SGCZ: variants seen among roughly 807,000 people sequenced by gnomAD.
SGCZ encodes the protein sarcoglycan zeta.
In SGCZ, 40 loss-of-function variants were observed where a neutral mutation model predicts 41.3. That is an observed-to-expected ratio of 0.97 (90% CI 0.75 to 1.26). The LOEUF (loss-of-function observed/expected upper bound fraction) is 1.26. Among genes scored for constraint, SGCZ ranks in the 50% most tolerant of loss-of-function variants. SGCZ has a pLI of 0.00. For synonymous variants in SGCZ, 206 were observed against 137.5 expected (o/e 1.50, Z -3.49); for missense variants, 552 against 369.8 (o/e 1.49, Z -4.04).
At chr8:14,459,468 T>G (rs777511195) in intron 2 of SGCZ, among the ~76,000 whole-genome samples, 4 of 152,070 alleles carry the variant, frequency 2.6e-5, no homozygotes, top group Admixed American at 1.3e-4. Flanking sequence ...CTAATACATA[T>G]AGAAGGCAGA....
intron 1 of SGCZ, among the ~76,000 whole-genome samples, chr8:14,678,158 G>A (rs1284143731): frequency 6.6e-6 from 1 of 152,054 alleles, no homozygotes; most frequent in East Asian, 1.9e-4. Flanking sequence ...CAACAACAAA[G>A]ACATAATCCA....
chr8:14,736,115 G>C (rs1799020999), intron 1 of SGCZ, among the ~76,000 whole-genome samples: 2 of 152,012 alleles, frequency 1.3e-5, no homozygotes, highest in African/African-American at 4.8e-5. Flanking sequence ...GGTGCTTTTG[G>C]TAAATATTTT....
chr8:14,877,030 G>C (rs943402770), intron 1 of SGCZ, among the ~76,000 whole-genome samples: 1 of 152,178 alleles, frequency 6.6e-6, no homozygotes, highest in African/African-American at 2.4e-5. Flanking sequence ...CTGGAGCACA[G>C]TGGTGCTATC....
rs575491482 is a variant in SGCZ at position 14,693,827 on chromosome 8, G to C, written c.40-138901C>G. Among the ~76,000 whole-genome samples the C allele has an allele frequency of 2.0e-5, 3 of 152,016 alleles. No individual in the cohort carries two copies. In the East Asian group the frequency reaches 5.8e-4, roughly 30 times the overall value. On this transcript the variant is annotated intron_variant, in intron 1 of 7. Transcript: ENST00000382080. ...GGCTGACCTCAAACTCCTGACCTCA[G>C]GTGATCCGCCCACCTCAGCCTCCCA...
chr8:14,494,572 A>C (rs919397549), intron 2 of SGCZ, among the ~76,000 whole-genome samples: 1 of 152,088 alleles, frequency 6.6e-6, no homozygotes, highest in Non-Finnish European at 1.5e-5. Flanking sequence ...GCAGTTTTTC[A>C]ATGTTTAATC....
At chr8:14,511,012 G>T (rs879900553) in intron 2 of SGCZ, among the ~76,000 whole-genome samples, 1 of 152,004 alleles carries the variant, frequency 6.6e-6, no homozygotes, top group Non-Finnish European at 1.5e-5. Flanking sequence ...ATAGATAGAA[G>T]ATATTTATTT....
chr8:14,745,475 C>G (rs565734458), intron 1 of SGCZ, among the ~76,000 whole-genome samples: 2 of 152,138 alleles, frequency 1.3e-5, no homozygotes, highest in East Asian at 3.9e-4. Context: ...CCCATCTACT[C>G]TGGAGGTTGA....
At chr8:14,249,507 T>A (rs1466218316) in intron 3 of SGCZ, among the ~76,000 whole-genome samples, 1 of 152,174 alleles carries the variant, frequency 6.6e-6, no homozygotes, top group East Asian at 1.9e-4. Flanking sequence ...AAAACATGCA[T>A]GAATGCTAAG....
chr8:14,864,310 T>C (rs559171194), intron 1 of SGCZ, among the ~76,000 whole-genome samples: 1 of 152,302 alleles, frequency 6.6e-6, no homozygotes, highest in South Asian at 2.1e-4. Context: ...AGTCTTACAA[T>C]TTGTAACTTA....
chr8:14,539,375 T>C (rs1374656758), intron 2 of SGCZ, among the ~76,000 whole-genome samples: 2 of 152,018 alleles, frequency 1.3e-5, no homozygotes, highest in Middle Eastern at 3.4e-3. Context: ...GAAGAGACCA[T>C]GTAAATGTCC....
chr8:14,239,736 A>C (rs1274183611), intron 3 of SGCZ, among the ~76,000 whole-genome samples: 1 of 150,848 alleles, frequency 6.6e-6, no homozygotes, highest in Non-Finnish European at 1.5e-5. Context: ...CCCCGTCTCT[A>C]CTAAAAATAC....
At chr8:15,199,957 C>T (rs1001124467) in intron 1 of SGCZ, among the ~76,000 whole-genome samples, 5 of 152,122 alleles carry the variant, frequency 3.3e-5, no homozygotes, top group Non-Finnish European at 7.4e-5. Context: ...TAGTAGGATT[C>T]ATAGGGAAGA....
intron 2 of SGCZ, among the ~76,000 whole-genome samples, chr8:14,524,314 T>C (rs1199551758): frequency 1.3e-5 from 2 of 151,966 alleles, no homozygotes; most frequent in Admixed American, 6.6e-5. Flanking sequence ...ATCCTGTCCA[T>C]TGAAACCCGA....
intron 1 of SGCZ, among the ~76,000 whole-genome samples, chr8:14,821,783 T>A (rs957164147): frequency 8.6e-5 from 13 of 151,704 alleles, no homozygotes; most frequent in Admixed American, 7.9e-4. Context: ...TGAAAAAAAA[T>A]TATCAACAAA....
At chr8:14,392,115 C>A (rs1804799382) in intron 2 of SGCZ, among the ~76,000 whole-genome samples, 1 of 152,080 alleles carries the variant, frequency 6.6e-6, no homozygotes, top group Non-Finnish European at 1.5e-5. Flanking sequence ...TTTATTTAAT[C>A]TCTTAAATAT....
At chr8:15,231,281 C>T (rs749136544) in intron 1 of SGCZ, among the ~76,000 whole-genome samples, 2 of 152,166 alleles carry the variant, frequency 1.3e-5, no homozygotes, top group Non-Finnish European at 2.9e-5. Context: ...ATAGAACACT[C>T]TAGATAACCT....
At chr8:14,380,617 G>C (rs898490915) in intron 2 of SGCZ, among the ~76,000 whole-genome samples, 1 of 152,096 alleles carries the variant, frequency 6.6e-6, no homozygotes, top group Non-Finnish European at 1.5e-5. Flanking sequence ...ACTTTGGGAG[G>C]CCAAGGCAGG....
chr8:14,352,353 G>A (rs1374292136), intron 2 of SGCZ, among the ~76,000 whole-genome samples: 1 of 152,028 alleles, frequency 6.6e-6, no homozygotes, highest in Non-Finnish European at 1.5e-5. Context: ...GGTAAATTTT[G>A]TCTTGGGAGG....
intron 1 of SGCZ, among the ~76,000 whole-genome samples, chr8:15,180,256 T>C (rs1031410827): frequency 1.3e-5 from 2 of 152,220 alleles, no homozygotes; most frequent in African/African-American, 2.4e-5. Flanking sequence ...GCTTCAAATG[T>C]GTAGAAAGTT....
Sources: allele counts gnomAD v4.1 joint callset (sites outside exome capture counted in the v4.1 genomes callset), GRCh38; gene constraint gnomAD v4.1.1; transcripts MANE v1.5; gene names NCBI Gene and HGNC (gene_info 2026-07-23, HGNC 2026-07-21).